The following FHIT variants were observed in gnomAD, a reference collection of about 807,000 sequenced individuals.
FHIT encodes the protein bis(5'-adenosyl)-triphosphatase.
FHIT carries 19 observed loss-of-function variants against 17.9 expected under a neutral mutation model. The observed-to-expected ratio is 1.06, with a 90% CI of 0.74 to 1.56. The LOEUF (loss-of-function observed/expected upper bound fraction) is 1.56. FHIT is among the 40% of genes most tolerant of loss of function. The pLI is 0.00. For synonymous variants in FHIT, 81 were observed against 69.7 expected, an observed-to-expected ratio of 1.16 and a Z score of -0.81; for missense variants, 248 against 189.2, an observed-to-expected ratio of 1.31 and a Z score of -1.82.
chr3:61,182,550 A>C (rs1174444530), intron 2 of FHIT, among the ~76,000 whole-genome samples: 1 of 152,202 alleles, frequency 6.6e-6, no homozygotes, highest in African/African-American at 2.4e-5. Flanking sequence ...CTAACCAAAA[A>C]TGTATTCATT....
At chr3:60,164,623 A>G (rs1701082798) in intron 5 of FHIT, among the ~76,000 whole-genome samples, 1 of 151,676 alleles carries the variant, frequency 6.6e-6, no homozygotes, top group Non-Finnish European at 1.5e-5. Context: ...AAAAAAAAAT[A>G]AAAGAGGTGA....
chr3:60,233,340 C>T (rs115505977), intron 5 of FHIT, among the ~76,000 whole-genome samples: 4,017 of 152,156 alleles, frequency 0.026, 69 homozygotes, highest in Middle Eastern at 0.082. Flanking sequence ...ACAGCCATCC[C>T]GTGCCTTCCA....
At chr3:60,579,823 G>A (rs1052739168) in intron 4 of FHIT, among the ~76,000 whole-genome samples, 13 of 152,028 alleles carry the variant, frequency 8.6e-5, no homozygotes, top group African/African-American at 2.9e-4. Flanking sequence ...TTAATGTCTC[G>A]AGGTTTCTAG....
chr3:60,005,744 G>A (rs970788076), intron 7 of FHIT, among the ~76,000 whole-genome samples: 6 of 152,180 alleles, frequency 3.9e-5, no homozygotes, highest in Non-Finnish European at 5.9e-5. Context: ...GTTCACCATG[G>A]CTGTAATGAA....
At chr3:60,129,042 CTTTTTTG>C (rs1699396183) in intron 5 of FHIT, among the ~76,000 whole-genome samples, 1 of 113,012 alleles carries the variant, frequency 8.8e-6, no homozygotes, top group African/African-American at 3.4e-5. Context: ...TTCTTCTTTC[CTTTTTTG>C]TTTGTTTTTT....
chr3:59,821,916 C>T (rs1575549330), intron 8 of FHIT, among the ~76,000 whole-genome samples: 1 of 152,142 alleles, frequency 6.6e-6, no homozygotes, highest in Non-Finnish European at 1.5e-5. Flanking sequence ...ACAGTATACA[C>T]TGAACCCAAT....
At chr3:60,569,755 A>ATATATATATAT in intron 4 of FHIT, among the ~76,000 whole-genome samples, 47 of 77,336 alleles carry the variant, frequency 6.1e-4, no homozygotes, top group Non-Finnish European at 9.1e-4. Context: ...ATATATATAT[A>ATATATATATAT]TTTTTTTTTT....
chr3:59,778,413 G>C (rs1366951924), intron 8 of FHIT, among the ~76,000 whole-genome samples: 1 of 152,134 alleles, frequency 6.6e-6, no homozygotes, highest in Non-Finnish European at 1.5e-5. Context: ...ATGGCCCCTG[G>C]CCTCATAGAG....
intron 5 of FHIT, among the ~76,000 whole-genome samples, chr3:60,380,693 C>G (rs1700762503): frequency 6.6e-6 from 1 of 152,132 alleles, no homozygotes; most frequent in South Asian, 2.1e-4. Flanking sequence ...TCCATCTTTT[C>G]AGACCTATAT....
chr3:61,173,240 T>C (rs771902261), intron 2 of FHIT, among the ~76,000 whole-genome samples: 4 of 152,336 alleles, frequency 2.6e-5, no homozygotes, highest in Non-Finnish European at 5.9e-5. Flanking sequence ...AACATTTCTC[T>C]TTTTGTTATT....
At chr3:60,067,207 T>C (rs1295979241) in intron 5 of FHIT, among the ~76,000 whole-genome samples, 1 of 152,168 alleles carries the variant, frequency 6.6e-6, no homozygotes, top group Non-Finnish European at 1.5e-5. Context: ...ATATTTATAT[T>C]AGGGGAAATA....
intron 5 of FHIT, among the ~76,000 whole-genome samples, chr3:60,030,034 T>A (rs995807550): frequency 1.3e-5 from 2 of 152,088 alleles, no homozygotes; most frequent in Non-Finnish European, 2.9e-5. Flanking sequence ...TGGCCTTTCC[T>A]AGCTCTATTT....
intron 5 of FHIT, among the ~76,000 whole-genome samples, chr3:60,311,111 CCT>C (rs1289015280): frequency 6.6e-6 from 1 of 152,070 alleles, no homozygotes; most frequent in Non-Finnish European, 1.5e-5. Context: ...GGCATCTTCC[CCT>C]CTTTAATATA....
At chr3:60,303,929 C>T (rs908329157) in intron 5 of FHIT, among the ~76,000 whole-genome samples, 2 of 152,164 alleles carry the variant, frequency 1.3e-5, no homozygotes, top group Non-Finnish European at 2.9e-5. Flanking sequence ...ACTGGTTCCT[C>T]TTACATTTAA....
In FHIT at chr3:59,869,034, C is replaced by A. The variant is rs139640066; in HGVS notation, c.348+53312G>T. Among the ~76,000 whole-genome samples, 59 of 152,192 alleles carry A rather than the reference C, an allele frequency of 3.9e-4. 1 individual carries two copies. The highest frequency in any genetic ancestry group is 1.3e-3 in the African/African-American group (56 of 41,534). On this transcript the variant is annotated intron_variant, in intron 8 of 9. Coordinates refer to ENST00000492590, the MANE Select transcript of FHIT (RefSeq NM_002012.4). ...AAAGGGGGATACTATGACCAGTAAA[C>A]CACCCCAAATCATATGAAATGTAGG...
chr3:60,639,747 G>T (rs560128188), intron 4 of FHIT, among the ~76,000 whole-genome samples: 56 of 152,308 alleles, frequency 3.7e-4, no homozygotes, highest in African/African-American at 1.3e-3. Flanking sequence ...TGAAAGCATA[G>T]AATGTAGGAT....
chr3:60,847,608 T>C (rs1702975978), intron 3 of FHIT, among the ~76,000 whole-genome samples: 2 of 152,170 alleles, frequency 1.3e-5, no homozygotes, highest in African/African-American at 4.8e-5. Flanking sequence ...ATTCTTATCT[T>C]GGAAAATACA....
At chr3:60,453,675 T>C (rs925694229) in intron 5 of FHIT, among the ~76,000 whole-genome samples, 3 of 152,106 alleles carry the variant, frequency 2.0e-5, no homozygotes, top group African/African-American at 7.2e-5. Context: ...ACCTGGAAAA[T>C]GGGGGCCATG....
chr3:60,565,411 A>G (rs997348474), intron 4 of FHIT, among the ~76,000 whole-genome samples: 1 of 152,182 alleles, frequency 6.6e-6, no homozygotes, highest in African/African-American at 2.4e-5. Context: ...AAGAATTCAT[A>G]AACAATACAA....
Sources: allele counts gnomAD v4.1 joint callset (sites outside exome capture counted in the v4.1 genomes callset), GRCh38; gene constraint gnomAD v4.1.1; transcripts MANE v1.5; gene names NCBI Gene and HGNC (gene_info 2026-07-23, HGNC 2026-07-21).